Variants in ST14 observed in about 807,000 individuals in gnomAD.
ST14 encodes the protein ST14 transmembrane serine protease matriptase.
In ST14, 40 loss-of-function variants were observed where a neutral mutation model predicts 96.5. The observed-to-expected ratio is 0.41, with a 90% CI of 0.32 to 0.54. The LOEUF (loss-of-function observed/expected upper bound fraction) is 0.54. Ranked by LOEUF, ST14 falls within the 20% of genes least tolerant of loss-of-function variation. The probability of loss-of-function intolerance (pLI) is 0.17; values close to 1 mark genes in which losing one functional copy is unlikely to be tolerated. For missense variants in ST14, 1,066 were observed against 1,188.9 expected, an observed-to-expected ratio of 0.90 and a Z score of 1.52; for synonymous variants, 506 against 492.1, an observed-to-expected ratio of 1.03 and a Z score of -0.37.
intron 1 of ST14, among the ~76,000 whole-genome samples, chr11:130,177,470 G>A (rs531488477): frequency 6.6e-6 from 1 of 152,256 alleles, no homozygotes; most frequent in African/African-American, 2.4e-5. Context: ...GGCTGAGGCA[G>A]GAGAACCGCT....
intron 1 of ST14, among the ~76,000 whole-genome samples, chr11:130,178,239 T>C (rs1953160055): frequency 6.6e-6 from 1 of 152,184 alleles, no homozygotes; most frequent in Non-Finnish European, 1.5e-5. Context: ...AAAAAGAGTC[T>C]CCTGGTGTGA....
At chr11:130,183,938 A>C (rs1953215980) in intron 1 of ST14, among the ~76,000 whole-genome samples, 1 of 152,212 alleles carries the variant, frequency 6.6e-6, no homozygotes, top group African/African-American at 2.4e-5. Context: ...CGATGGGATA[A>C]ATGCAGCAAC....
Position 130,197,881 on chromosome 11 carries a change from C to T in ST14, c.1395C>T (p.Ile465=). The change falls in exon 12 of 19, where the codon ATC becomes ATT. Residue 465 remains isoleucine (I), a synonymous_variant. Transcript: ENST00000278742. ...GQFTCRTGRC[I]RKELRCDGWA... is the part of the protein sequence containing the mutation. ...TCACGTGCCGCACGGGGCGGTGTAT[C>T]CGGAAGGAGCTGCGCTGTGATGGCT... 6.3e-7 allele frequency: 1 copy of T among 1,595,846 alleles called. No homozygotes were observed. The highest frequency in any genetic ancestry group is 8.5e-7 in the Non-Finnish European group (1 of 1,174,318).
chr11:130,195,324 C>A (rs957319389), intron 9 of ST14, among the ~76,000 whole-genome samples: 2 of 152,112 alleles, frequency 1.3e-5, no homozygotes, highest in African/African-American at 2.4e-5. Flanking sequence ...GGTCTTCCTG[C>A]AGTGTCAGGC....
rs1415490450 is a variant in ST14, at chr11:130,198,982, T to A, written c.1720T>A (p.Cys574Ser). 6.2e-7 allele frequency: 1 copy of A among 1,614,090 alleles called. No individual in the cohort carries two copies. The highest frequency in any genetic ancestry group is 8.5e-7 in the Non-Finnish European group (1 of 1,179,970). Residue 574 changes from cysteine to serine, a missense_variant, in exon 15 of 19, where the codon TGC (cysteine) becomes AGC (serine). Coordinates refer to ENST00000278742, the MANE Select transcript of ST14 (RefSeq NM_021978.4). ...CACTTGTACCAAACACACCTACCGC[T>A]GCCTCAATGGGCTCTGCTTGAGCAA... ...VVTCTKHTYR[C>S]LNGLCLSKGN...
At chr11:130,176,467 C>A (rs866999932) in intron 1 of ST14, among the ~76,000 whole-genome samples, 1 of 151,820 alleles carries the variant, frequency 6.6e-6, no homozygotes, top group Non-Finnish European at 1.5e-5. Flanking sequence ...CGGCTCACTG[C>A]AAGCTCCACT....
intron 1 of ST14, among the ~76,000 whole-genome samples, chr11:130,179,518 C>T (rs1199197317): frequency 1.3e-5 from 2 of 151,960 alleles, no homozygotes; most frequent in Admixed American, 6.6e-5. Flanking sequence ...CGTGCTGGGC[C>T]CTGGACTGCC....
chr11:130,169,865 T>C (rs1416382485), intron 1 of ST14, among the ~76,000 whole-genome samples: 2 of 152,222 alleles, frequency 1.3e-5, no homozygotes, highest in East Asian at 1.9e-4. Context: ...AGGTGCTGGC[T>C]GCACCTCTTG....
chr11:130,198,006 T>C (rs1034268081), intron 12 of ST14, 61 bp downstream of exon 12: 1 of 1,475,994 alleles, frequency 6.8e-7, no homozygotes, highest in Non-Finnish European at 9.2e-7. Flanking sequence ...CCGCGTCCCA[T>C]GGCCCTGCTG....
rs1953534412 is a variant in ST14, at chr11:130,209,906, AC to A, written c.*85del. 5 of 1,529,564 alleles carry A rather than the reference AC, an allele frequency of 3.3e-6. No individual in the cohort carries two copies. Among genetic ancestry groups the A allele is most frequent in the Middle Eastern group, 2.3e-4 (1 of 4,438 alleles). The allele number at this position is 1,529,564 out of a possible 1,614,324, so 94.7% of individuals were successfully genotyped here. A position where few individuals can be genotyped will look rare whatever the true frequency, so the allele number is the denominator to read the frequency against. On this transcript the variant is annotated 3_prime_UTR_variant, in exon 19 of 19. Coordinates refer to ENST00000278742, the MANE Select transcript of ST14 (RefSeq NM_021978.4). Reference sequence around the variant, plus strand: ...TGCACGCCTGCAGGCTGGAGACTGGACCGCTGACTGCACCAGCGCCCCCAGA... The same window carrying A: ...TGCACGCCTGCAGGCTGGAGACTGGACGCTGACTGCACCAGCGCCCCCAGA...
chr11:130,209,461 G>A lies in ST14; in HGVS notation c.2289G>A (p.Leu763=), dbSNP rs1440086881. ...TQYGGTGALI[L]QKGEIRVINQ... is the part of the protein sequence containing the mutation. ...CCCCAGGCACTGGCGCGCTGATCCT[G>A]CAAAAGGGTGAGATCCGCGTCATCA... is the stretch of plus-strand genomic sequence containing the variant. Residue 763 remains leucine (L), a synonymous_variant, in exon 18 of 19, where the codon CTG becomes CTA. Transcript: ENST00000278742. The A allele has an allele frequency of 3.8e-6, 6 of 1,585,642 alleles. No individual in the cohort carries two copies. Among genetic ancestry groups the A allele is most frequent in the Non-Finnish European group, 5.1e-6 (6 of 1,166,162 alleles).
intron 1 of ST14, among the ~76,000 whole-genome samples, chr11:130,169,809 T>C (rs375390378): frequency 1.3e-5 from 2 of 152,170 alleles, no homozygotes; most frequent in African/African-American, 4.8e-5. Flanking sequence ...GAAATCAGAA[T>C]GTGGATTTAA....
chr11:130,197,005 C>T lies in ST14; in HGVS notation c.1354+305C>T, dbSNP rs2242184. On this transcript the variant is annotated intron_variant, in intron 11 of 18. Coordinates refer to ENST00000278742, the MANE Select transcript of ST14 (RefSeq NM_021978.4). ...CATCTGTCCCTCAGGCCCACCTTCA[C>T]CGTGACTTTGATCATCTGTGCTTGC... Among the ~76,000 whole-genome samples the T allele has an allele frequency of 0.45, 68,554 of 151,926 alleles. 16,696 individuals carry two copies. Among genetic ancestry groups the T allele is most frequent in the East Asian group, 0.7 (3,620 of 5,140 alleles).
Position 130,198,361 on chromosome 11 carries a change from T to C in ST14, c.1513T>C (p.Phe505Leu), listed in dbSNP as rs748663199. Residue 505 changes from phenylalanine (F) to leucine (L), a missense_variant, in exon 13 of 19, where the codon TTC becomes CTC. Physicochemically the swap from Phe to Leu is conservative, Grantham distance 22 (BLOSUM62 0). Coordinates refer to ENST00000278742, the MANE Select transcript of ST14 (RefSeq NM_021978.4). Reference protein sequence around the residue: ...TCKNKFCKPLFWVCDSVNDCG... With the variant: ...TCKNKFCKPLLWVCDSVNDCG... ...CAAGAACAAGTTCTGCAAGCCCCTC[T>C]TCTGGGTCTGCGACAGTGTGAACGA... 1 of 1,614,170 alleles carries C rather than the reference T, an allele frequency of 6.2e-7. No individual in the cohort carries two copies. Among genetic ancestry groups the C allele is most frequent in the South Asian group, 1.1e-5 (1 of 91,084 alleles).
rs1261389845 is a variant in ST14, at chr11:130,197,829, C to T, written c.1355-12C>T. On this transcript the variant is annotated splice_polypyrimidine_tract_variant and intron_variant, in intron 11 of 18. Coordinates refer to ENST00000278742, the MANE Select transcript of ST14 (RefSeq NM_021978.4). ...TGGGTGCTGGGGGCCTCAGGCCTGC[C>T]TGTGCCCGCAGCATGCCCGGGGCAG... The T allele has an allele frequency of 1.3e-6, 2 of 1,555,640 alleles. No individual in the cohort carries two copies. The highest frequency in any genetic ancestry group is 3.7e-5 in the Admixed American group (2 of 54,230).
Position 130,198,599 on chromosome 11 carries a change from C to T in ST14, c.1662C>T (p.Ser554=), listed in dbSNP as rs138327532. 60 of 1,613,824 alleles carry T rather than the reference C, an allele frequency of 3.7e-5. No homozygotes were observed. In the African/African-American group the frequency reaches 6.8e-4, roughly 18 times the overall value. Reference sequence around the variant, plus strand: ...GGAAGGACGACTGTGGGGACGGGTCCGACGAGGCCTCCTGCCCCAAGGGTG... The same window carrying T: ...GGAAGGACGACTGTGGGGACGGGTCTGACGAGGCCTCCTGCCCCAAGGGTG... ...CNGKDDCGDG[S]DEASCPKVNV... is the part of the protein sequence containing the mutation. The change falls in exon 14 of 19, where the codon TCC becomes TCT. Residue 554 remains serine (S), a synonymous_variant. Transcript: ENST00000278742.
rs1953534725 is a variant in ST14, at chr11:130,209,927, C to T, written c.*104C>T. On this transcript the variant is annotated 3_prime_UTR_variant, in exon 19 of 19. Transcript: ENST00000278742. ...CTGGACCGCTGACTGCACCAGCGCCCCCAGAACATACACTGTGAACTCAAT... is the reference window on the plus strand; with the variant it reads ...CTGGACCGCTGACTGCACCAGCGCCTCCAGAACATACACTGTGAACTCAAT... 1 of 1,394,780 alleles carries T rather than the reference C, an allele frequency of 7.2e-7. No individual in the cohort carries two copies. Among genetic ancestry groups the T allele is most frequent in the Non-Finnish European group, 9.9e-7 (1 of 1,011,752 alleles). 86.4% of individuals were successfully genotyped at this position (1,394,780 alleles called of 1,614,324 possible).
chr11:130,170,048 A>T (rs754108665), intron 1 of ST14, among the ~76,000 whole-genome samples: 1 of 152,136 alleles, frequency 6.6e-6, no homozygotes, highest in Non-Finnish European at 1.5e-5. Flanking sequence ...GAAGAGGCAG[A>T]GATGGAATTT....
chr11:130,197,860 G>A lies in ST14; in HGVS notation c.1374G>A (p.Thr458=), dbSNP rs560525946. 44 of 1,586,398 alleles carry A rather than the reference G, an allele frequency of 2.8e-5. No homozygotes were observed. Among genetic ancestry groups the A allele is most frequent in the African/African-American group, 5.4e-5 (4 of 74,678 alleles). The change falls in exon 12 of 19, where the codon ACG becomes ACA. Residue 458 remains threonine (T), a synonymous_variant. Coordinates refer to ENST00000278742, the MANE Select transcript of ST14 (RefSeq NM_021978.4). ...CCGCAGCATGCCCGGGGCAGTTCAC[G>A]TGCCGCACGGGGCGGTGTATCCGGA... ...DSSDPCPGQF[T]CRTGRCIRKE...
Sources: gnomAD v4.1 joint callset for allele counts (sites outside exome capture counted in the v4.1 genomes callset) on GRCh38, gnomAD v4.1.1 for gene constraint, MANE v1.5 for transcripts, NCBI Gene and HGNC (gene_info 2026-07-23, HGNC 2026-07-21) for gene names.